The following DPY19L2 variants were observed in gnomAD, a reference collection of about 807,000 sequenced individuals.
DPY19L2 encodes the protein probable C-mannosyltransferase DPY19L2.
DPY19L2 carries 34 observed loss-of-function variants against 97.9 expected under a neutral mutation model. The ratio of observed to expected loss-of-function variants is 0.35; its 90% CI spans 0.26 to 0.46. The LOEUF is 0.46. Among genes scored for constraint, DPY19L2 ranks in the 20% least tolerant of loss-of-function variants. DPY19L2 has a pLI of 1.00. For synonymous variants in DPY19L2, 230 were observed against 307.9 expected, an observed-to-expected ratio of 0.75 and a Z score of 2.65; for missense variants, 623 against 911.4, an observed-to-expected ratio of 0.68 and a Z score of 4.07.
At chr12:63,616,902 C>T (rs1887932361) in intron 11 of DPY19L2, among the ~76,000 whole-genome samples, 1 of 152,082 alleles carries the variant, frequency 6.6e-6, no homozygotes, top group Admixed American at 6.5e-5. Context: ...TCTTGAAAGG[C>T]AAGACATACT....
At chr12:63,656,859 T>C (rs1284233299) in intron 4 of DPY19L2, among the ~76,000 whole-genome samples, 1 of 151,068 alleles carries the variant, frequency 6.6e-6, no homozygotes, top group Non-Finnish European at 1.5e-5. Flanking sequence ...TTTTTATATC[T>C]AGCATTTCCC....
intron 19 of DPY19L2, among the ~76,000 whole-genome samples, chr12:63,576,260 C>A (rs139524861): frequency 6.6e-6 from 1 of 151,826 alleles, no homozygotes; most frequent in Non-Finnish European, 1.5e-5. Flanking sequence ...ATGATAAAAA[C>A]CTTCAAATAA....
At chr12:63,641,002 C>G (rs1408656133) in intron 6 of DPY19L2, among the ~76,000 whole-genome samples, 1 of 152,126 alleles carries the variant, frequency 6.6e-6, no homozygotes, top group Non-Finnish European at 1.5e-5. Context: ...ACGCCATTCT[C>G]CTGCCTCAGC....
rs371529114 is a variant in DPY19L2, at chr12:63,630,186, A to T, written c.804-3660T>A. Among the ~76,000 whole-genome samples, 145 of 152,312 alleles carry T rather than the reference A, an allele frequency of 9.5e-4. No homozygotes were observed. The East Asian group carries it at 0.026, about 27-fold the overall frequency. On this transcript the variant is annotated intron_variant, in intron 6 of 21. Transcript: ENST00000324472. ...ACGAGCAAAATAACCAGCTAACATCATAATGACAGGATCAAATTTACACAT... is the reference window on the plus strand; with the variant it reads ...ACGAGCAAAATAACCAGCTAACATCTTAATGACAGGATCAAATTTACACAT...
At chr12:63,626,567 A>C in intron 6 of DPY19L2, 41 bp from the exon 7 acceptor site, 1 of 1,551,796 alleles carries the variant, frequency 6.4e-7, no homozygotes. Context: ...TACAATCAAA[A>C]TTCATGTAAA....
chr12:63,616,661 A>G (rs6581494), intron 11 of DPY19L2, among the ~76,000 whole-genome samples: 44,808 of 151,948 alleles, frequency 0.29, 7,689 homozygotes, highest in African/African-American at 0.48. Flanking sequence ...GTGTCATTCC[A>G]TGTAGTTCCC....
At chr12:63,577,269 T>C (rs774145694) in intron 19 of DPY19L2, among the ~76,000 whole-genome samples, 18 of 152,074 alleles carry the variant, frequency 1.2e-4, no homozygotes, top group Non-Finnish European at 1.6e-4. Flanking sequence ...TCTCTTGCCA[T>C]ATACAAAACT....
intron 6 of DPY19L2, among the ~76,000 whole-genome samples, chr12:63,642,519 C>T (rs182849708): frequency 6.6e-6 from 1 of 152,144 alleles, no homozygotes; most frequent in East Asian, 1.9e-4. Flanking sequence ...CTCCTTGCTC[C>T]ATATGATCTC....
At chr12:63,568,726 C>G (rs1878238935) in intron 21 of DPY19L2, among the ~76,000 whole-genome samples, 1 of 151,958 alleles carries the variant, frequency 6.6e-6, no homozygotes, top group Non-Finnish European at 1.5e-5. Flanking sequence ...AAACAAAGGC[C>G]TCATAAGATC....
intron 14 of DPY19L2, among the ~76,000 whole-genome samples, chr12:63,596,691 A>G (rs113786110): frequency 5.9e-5 from 9 of 152,160 alleles, no homozygotes; most frequent in Non-Finnish European, 1.2e-4. Context: ...GTAAAATTTT[A>G]TTATTTACCA....
intron 16 of DPY19L2, among the ~76,000 whole-genome samples, chr12:63,585,933 A>C (rs1881711152): frequency 1.3e-5 from 2 of 152,178 alleles, no homozygotes; most frequent in African/African-American, 4.8e-5. Context: ...TTAAAGCCTC[A>C]AAAGAAAGTT....
chr12:63,668,080 G>A lies in DPY19L2; in HGVS notation c.314C>T (p.Ser105Phe). The A allele has an allele frequency of 6.2e-7, 1 of 1,613,964 alleles. No homozygotes were observed. The highest frequency in any genetic ancestry group is 8.5e-7 in the Non-Finnish European group (1 of 1,179,952). The change falls in exon 1 of 22, where the codon TCC becomes TTC. Residue 105 changes from serine to phenylalanine, a missense_variant. Physicochemically the swap from Ser to Phe is radical, Grantham distance 155 (BLOSUM62 -2). This residue lies in a region of DPY19L2 where 84 missense variants were observed against 125.4 expected (regional missense o/e 0.67). Transcript: ENST00000324472. ...KVQELQARRF[S>F]SRTTLGIAVF... ...ACCGATGCCGAGAGTGGTTCTGCTG[G>A]AGAACCGCCGCGCCTGCAGTTCCTG... is the stretch of plus-strand genomic sequence containing the variant.
intron 8 of DPY19L2, among the ~76,000 whole-genome samples, chr12:63,621,801 TAAG>T (rs1888735944): frequency 6.6e-6 from 1 of 152,148 alleles, no homozygotes. Flanking sequence ...GGGAAAAATT[TAAG>T]GAGAAGGAAT....
intron 12 of DPY19L2, among the ~76,000 whole-genome samples, chr12:63,604,501 T>C (rs1444099055): frequency 6.6e-6 from 1 of 152,120 alleles, no homozygotes; most frequent in Non-Finnish European, 1.5e-5. Context: ...CTTTTGTTAC[T>C]ACACCATAGG....
chr12:63,638,186 C>T (rs1016553472), intron 6 of DPY19L2, among the ~76,000 whole-genome samples: 61 of 152,056 alleles, frequency 4.0e-4, no homozygotes, highest in African/African-American at 1.4e-3. Context: ...TCTCAATAAA[C>T]TAGGTATTGA....
chr12:63,581,041 C>A (rs1211201565), intron 18 of DPY19L2, among the ~76,000 whole-genome samples: 2 of 152,118 alleles, frequency 1.3e-5, no homozygotes, highest in African/African-American at 4.8e-5. Context: ...AACTTTCTCT[C>A]CCCTGGGAAG....
intron 4 of DPY19L2, among the ~76,000 whole-genome samples, chr12:63,658,849 A>G: frequency 6.6e-6 from 1 of 152,210 alleles, no homozygotes; most frequent in East Asian, 1.9e-4. Flanking sequence ...TGCAAACTAA[A>G]CCATAATGAC....
In DPY19L2 at chr12:63,647,368, T is replaced by TA. The variant is rs758505842; in HGVS notation, c.589-4dup. The TA allele has an allele frequency of 4.0e-6, 6 of 1,515,760 alleles. No individual in the cohort carries two copies. The East Asian group carries it at 1.5e-4, about 37-fold the overall frequency. The allele number at this position is 1,515,760 out of a possible 1,614,324, so 93.9% of individuals were successfully genotyped here. On this transcript the variant is annotated splice_region_variant and splice_polypyrimidine_tract_variant and intron_variant, in intron 4 of 21. Coordinates refer to ENST00000324472, the MANE Select transcript of DPY19L2 (RefSeq NM_173812.5). ...CAATACCAGGAGGCTATGATTACCT[T>TA]AAAAAAGATAAAAACAAAGAGATAA...
chr12:63,634,254 T>C (rs1264334301), intron 6 of DPY19L2, among the ~76,000 whole-genome samples: 1 of 152,014 alleles, frequency 6.6e-6, no homozygotes, highest in Non-Finnish European at 1.5e-5. Flanking sequence ...GAAATAATAA[T>C]GATGGCAGCT....
Sources: allele counts gnomAD v4.1 joint callset (sites outside exome capture counted in the v4.1 genomes callset), GRCh38; gene constraint gnomAD v4.1.1; regional missense constraint gnomAD v4.1.1; transcripts MANE v1.5; gene names NCBI Gene and HGNC (gene_info 2026-07-23, HGNC 2026-07-21).